Variants in NLRP2 observed in about 807,000 individuals in gnomAD.
NLRP2 encodes NACHT, LRR and PYD domains-containing protein 2.
In NLRP2, 107 loss-of-function variants were observed where a neutral mutation model predicts 97.2. The observed-to-expected ratio is 1.10, with a 90% CI of 0.94 to 1.29. The LOEUF (loss-of-function observed/expected upper bound fraction) is 1.29. Among genes scored for constraint, NLRP2 ranks in the 50% most tolerant of loss-of-function variants. The pLI, the probability that NLRP2 is intolerant of heterozygous loss-of-function variation, is 0.00. For missense variants in NLRP2, 1,495 were observed against 1,330.3 expected (o/e 1.12, Z -1.93); for synonymous variants, 663 against 551.5 (o/e 1.20, Z -2.83).
intron 2 of NLRP2, among the ~76,000 whole-genome samples, chr19:54,971,967 T>C (rs2146348364): frequency 6.6e-6 from 1 of 150,824 alleles, no homozygotes; most frequent in South Asian, 2.1e-4. Flanking sequence ...TAGCCGGGAT[T>C]ACAAGCATGT....
At chr19:54,971,187 T>A (rs1006508846) in intron 2 of NLRP2, among the ~76,000 whole-genome samples, 4 of 151,708 alleles carry the variant, frequency 2.6e-5, no homozygotes, top group Non-Finnish European at 5.9e-5. Flanking sequence ...TTCCATGGTA[T>A]ATATGTGCCA....
At chr19:54,966,825 CT>C (rs1044701142) in intron 1 of NLRP2, among the ~76,000 whole-genome samples, 1,928 of 74,850 alleles carry the variant, frequency 0.026, 29 homozygotes, top group African/African-American at 0.048. Context: ...CGCGCCCAGC[CT>C]TTTTTTTTTT....
intron 3 of NLRP2, among the ~76,000 whole-genome samples, chr19:54,977,477 C>T (rs891491805): frequency 1.7e-5 from 2 of 120,378 alleles, no homozygotes; most frequent in Non-Finnish European, 3.3e-5. Flanking sequence ...TGGCCTTATG[C>T]GTGAGTAGTT....
intron 1 of NLRP2, among the ~76,000 whole-genome samples, chr19:54,969,018 T>C (rs1359518365): frequency 2.0e-5 from 3 of 152,108 alleles, no homozygotes; most frequent in Non-Finnish European, 2.9e-5. Flanking sequence ...TGCATTATCA[T>C]ATTCAGCCCA....
chr19:54,985,060 C>T lies in NLRP2; in HGVS notation c.2044C>T (p.Gln682Ter), dbSNP rs542090265. 3.1e-6 allele frequency: 5 copies of T among 1,613,978 alleles called. No homozygotes were observed. The African/African-American group carries it at 5.3e-5, about 17-fold the overall frequency. The change falls in exon 7 of 13, where the codon CAG becomes TAG. Residue 682 changes from glutamine (Q) to a stop codon, truncating the protein, a stop_gained. Transcript: ENST00000448584. LOFTEE classifies it high-confidence loss of function. ...DAEVERSQDD[Q>*]HMLPFWTDLC... ...TCTTCCCTATAGATCCCAGGATGAT[C>T]AGCACATGCTTCCTTTCTGGACGGA...
Position 54,983,362 on chromosome 19 carries a change from A to G in NLRP2, c.1664A>G (p.Tyr555Cys), listed in dbSNP as rs139117160. 169 of 1,614,220 alleles carry G rather than the reference A, an allele frequency of 1.0e-4. 2 individuals carry two copies. In the African/African-American group the frequency reaches 1.8e-3, roughly 17 times the overall value. ...AACCCCGACCTGATCCAAGCAGGCT[A>G]CTACTCCTTTGGCCTCGCTAACGAG... ...LRNPDLIQAGYYSFGLANEKR... is the reference protein window; with the variant it reads ...LRNPDLIQAGCYSFGLANEKR... The change falls in exon 6 of 13, where the codon TAC (tyrosine) becomes TGC (cysteine). Residue 555 changes from tyrosine to cysteine, a missense_variant. By Grantham distance (194) the Tyr-to-Cys change is radical. Transcript: ENST00000448584.
At chr19:54,967,318 A>G (rs1330410598) in intron 1 of NLRP2, among the ~76,000 whole-genome samples, 1 of 152,046 alleles carries the variant, frequency 6.6e-6, no homozygotes, top group Non-Finnish European at 1.5e-5. Context: ...CCCCATCTCT[A>G]CTAAAAATAT....
intron 3 of NLRP2, among the ~76,000 whole-genome samples, chr19:54,975,112 T>G (rs1198493891): frequency 3.0e-4 from 4 of 13,418 alleles, no homozygotes; most frequent in African/African-American, 2.4e-3. Flanking sequence ...TTTTGTTTTT[T>G]TTTTTTTTTT....
intron 6 of NLRP2, among the ~76,000 whole-genome samples, 184 bp downstream of exon 6, chr19:54,983,912 G>A (rs185492192): frequency 3.3e-5 from 5 of 152,158 alleles, no homozygotes; most frequent in Admixed American, 6.6e-5. Flanking sequence ...GCGCAGTGGC[G>A]CGATCTTGGC....
rs148932752 is a variant in NLRP2 at position 54,990,037 on chromosome 19, C to A, written c.2382C>A (p.Ser794=). The A allele has an allele frequency of 1.2e-6, 2 of 1,613,826 alleles. No individual in the cohort carries two copies. Among genetic ancestry groups the A allele is most frequent in the African/African-American group, 2.7e-5 (2 of 74,874 alleles). Residue 794 remains serine, a synonymous_variant, in exon 9 of 13, where the codon TCC becomes TCA. Coordinates refer to ENST00000448584, the MANE Select transcript of NLRP2 (RefSeq NM_017852.5). ...NLRYLGLVSC[S]ATTQQWADLS... Reference sequence around the variant, plus strand: ...TCTCCCACAGGTTGGTGTCTTGTTCCGCTACCACTCAGCAGTGGGCTGATC... The same window carrying A: ...TCTCCCACAGGTTGGTGTCTTGTTCAGCTACCACTCAGCAGTGGGCTGATC...
chr19:54,982,073 C>T (rs55799796), intron 5 of NLRP2, 89 bp from the exon 6 acceptor site: 360,401 of 1,543,650 alleles, frequency 0.23, 46,288 homozygotes, highest in Non-Finnish European at 0.27. Context: ...CCACTGTGCC[C>T]GGCCAACACA....
intron 10 of NLRP2, among the ~76,000 whole-genome samples, chr19:54,992,498 TTGTG>T (rs994495891): frequency 7.1e-6 from 1 of 141,114 alleles, no homozygotes; most frequent in African/African-American, 2.6e-5. Flanking sequence ...GTTTTTTTGG[TTGTG>T]TGTGTGTGTG....
intron 3 of NLRP2, chr19:54,976,810 C>CTTTTTTTTT (rs749684265): frequency 0.023 from 7,226 of 316,156 alleles, 864 homozygotes; most frequent in African/African-American, 0.068. Flanking sequence ...CTTGTTCTCT[C>CTTTTTTTTT]TCTTTTTTTT....
At chr19:54,977,487 T>TTGTGTGTGTGTGTGTGTGTGTG (rs61515967) in intron 3 of NLRP2, among the ~76,000 whole-genome samples, 4 of 147,424 alleles carry the variant, frequency 2.7e-5, no homozygotes, top group African/African-American at 7.5e-5. Flanking sequence ...CGTGAGTAGT[T>TTGTGTGTGTGTGTGTGTGTGTG]TGTGTGTGTG....
At position 54,982,746 on chromosome 19, in the gene NLRP2, G is replaced by C. The variant is rs142528551; in HGVS notation, c.1048G>C (p.Glu350Gln). Residue 350 changes from glutamate (E) to glutamine (Q), a missense_variant, in exon 6 of 13, where the codon GAG becomes CAG. Glu to Gln is a conservative substitution (Grantham distance 29, BLOSUM62 2). Transcript: ENST00000448584. ...GAGGGACCTCCGGATCCTGGCGGAG[G>C]AGCCGATCTACATAAGGGTGGAGGG... ...ALRDLRILAE[E>Q]PIYIRVEGFL... 2,598 of 1,613,950 alleles carry C rather than the reference G, an allele frequency of 1.6e-3. 15 individuals carry two copies. Among genetic ancestry groups the C allele is most frequent in the Non-Finnish European group, 1.1e-3 (1,267 of 1,179,962 alleles).
At position 54,977,765 on chromosome 19, in the gene NLRP2, A is replaced by G. The variant is rs1377242044; in HGVS notation, c.339A>G (p.Lys113=). The G allele has an allele frequency of 1.1e-5, 18 of 1,613,804 alleles. No individual in the cohort carries two copies. The highest frequency in any genetic ancestry group is 1.4e-5 in the Non-Finnish European group (17 of 1,180,034). Residue 113 remains lysine, a synonymous_variant, in exon 4 of 13, where the codon AAA becomes AAG. Coordinates refer to ENST00000448584, the MANE Select transcript of NLRP2 (RefSeq NM_017852.5). The part of the protein sequence containing the change: ...RKPLSLGITR[K]ERPPLDVDEM... ...CTTTTTCTCCAGGGATAACACGGAAAGAACGACCACCTCTAGACGTGGACG... is the reference window on the plus strand; with the variant it reads ...CTTTTTCTCCAGGGATAACACGGAAGGAACGACCACCTCTAGACGTGGACG...
chr19:54,972,039 T>C (rs1213784784), intron 2 of NLRP2, among the ~76,000 whole-genome samples: 2 of 149,318 alleles, frequency 1.3e-5, no homozygotes, highest in Non-Finnish European at 3.0e-5. Flanking sequence ...AGATGGGGTT[T>C]CACCATGTTA....
intron 10 of NLRP2, chr19:54,993,783 C>T (rs974305842): frequency 7.7e-6 from 2 of 260,304 alleles, no homozygotes; most frequent in Admixed American, 5.1e-5. Context: ...GCACAAGAAT[C>T]GCGTGAAACC....
intron 5 of NLRP2, among the ~76,000 whole-genome samples, chr19:54,981,951 T>G (rs915738498): frequency 6.6e-6 from 1 of 152,048 alleles, no homozygotes; most frequent in African/African-American, 2.4e-5. Flanking sequence ...GCTAATTTTT[T>G]ATTTTTAGTA....
Sources: allele counts gnomAD v4.1 joint callset (sites outside exome capture counted in the v4.1 genomes callset), GRCh38; gene constraint gnomAD v4.1.1; transcripts MANE v1.5; gene names NCBI Gene and HGNC (gene_info 2026-07-23, HGNC 2026-07-21).